SH2B3: variants seen among roughly 807,000 people sequenced by gnomAD.
SH2B3 encodes the protein SH2B adapter protein 3.
Under a neutral mutation model 51.9 loss-of-function variants are expected in SH2B3, and 43 were observed. The ratio of observed to expected loss-of-function variants is 0.83; its 90% CI spans 0.65 to 1.07. SH2B3 has a LOEUF of 1.07. SH2B3 is among the 50% of genes least tolerant of loss of function. SH2B3 has a pLI of 0.00. For synonymous variants in SH2B3, 396 were observed against 376.0 expected (o/e 1.05, Z -0.62); for missense variants, 952 against 834.3 (o/e 1.14, Z -1.74).
Position 111,418,233 on chromosome 12 carries a change from T to C in SH2B3, c.88T>C (p.Cys30Arg). ...AAAPRGWSEF[C>R]ELHAVAAARE... ...GGCCCCGCGGGGCTGGAGCGAGTTC[T>C]GTGAGTTGCACGCCGTAGCGGCGGC... Residue 30 changes from cysteine to arginine, a missense_variant, in exon 2 of 8, where the codon TGT becomes CGT. By Grantham distance (180) the Cys-to-Arg change is radical. Coordinates refer to ENST00000341259, the MANE Select transcript of SH2B3 (RefSeq NM_005475.3). This position sits in a 1 kb window ranked among gnomAD's most constrained non-coding sequence, Gnocchi z 6.7. 6.3e-7 allele frequency: 1 copy of C among 1,578,412 alleles called. No homozygotes were observed. Among genetic ancestry groups the C allele is most frequent in the Admixed American group, 1.7e-5 (1 of 57,868 alleles).
rs1416933872 is a variant in SH2B3 at position 111,420,538 on chromosome 12, G to GA, written c.732+1662dup. Among the ~76,000 whole-genome samples the GA allele has an allele frequency of 2.6e-5, 4 of 152,194 alleles. No homozygotes were observed. The East Asian group carries it at 7.7e-4, about 29-fold the overall frequency. On this transcript the variant is annotated intron_variant, in intron 2 of 7. Transcript: ENST00000341259. ...TTTCATCTAATTGCTCTCTCTTTGG[G>GA]ATCCTGTTACGTGGTAGGGCCTTAC...
intron 2 of SH2B3, chr12:111,444,640 C>A: frequency 3.2e-6 from 2 of 633,504 alleles, no homozygotes; most frequent in Non-Finnish European, 4.0e-6. Context: ...AAAGCCCCCA[C>A]AGCTGCTGAC....
intron 2 of SH2B3, among the ~76,000 whole-genome samples, chr12:111,433,079 C>T (rs192666038): frequency 4.6e-5 from 7 of 152,126 alleles, no homozygotes; most frequent in African/African-American, 1.2e-4. Context: ...GGGCTGGGCA[C>T]GGTGGCTAAC....
intron 2 of SH2B3, among the ~76,000 whole-genome samples, chr12:111,446,372 C>G (rs1312747753): frequency 2.6e-5 from 4 of 152,238 alleles, no homozygotes; most frequent in Non-Finnish European, 5.9e-5. Context: ...CCATGCTAGG[C>G]TCTGCCCCTT....
Position 111,447,987 on chromosome 12 carries a change from C to T in SH2B3, c.1413C>T (p.Ser471=), listed in dbSNP as rs1439116114. 1.9e-6 allele frequency: 3 copies of T among 1,606,144 alleles called. No homozygotes were observed. The highest frequency in any genetic ancestry group is 2.6e-6 in the Non-Finnish European group (3 of 1,175,124). Residue 471 remains serine, a synonymous_variant, in exon 8 of 8, where the codon TCC becomes TCT. Coordinates refer to ENST00000341259, the MANE Select transcript of SH2B3 (RefSeq NM_005475.3). The stretch of plus-strand genomic sequence containing the variant: ...TCTCTTGGTCACTTGTCCTAGGTTC[C>T]TGCAACACGGTCCTCTTCCCTTTCT... ...YVVVVSQPPG[S]CNTVLFPFSL...
intron 1 of SH2B3, among the ~76,000 whole-genome samples, chr12:111,408,278 C>G (rs1347471780): frequency 6.6e-6 from 1 of 152,096 alleles, no homozygotes; most frequent in Non-Finnish European, 1.5e-5. Flanking sequence ...TCATGGGAAC[C>G]ATGAATGAGT....
At chr12:111,442,424 G>GTGGCTGGTGC (rs200717092) in intron 2 of SH2B3, among the ~76,000 whole-genome samples, 1,551 of 152,332 alleles carry the variant, frequency 0.01, 6 homozygotes, top group Non-Finnish European at 0.013. Flanking sequence ...TGGCAGAGGC[G>GTGGCTGGTGC]TGGCTGGTGC....
In SH2B3 at chr12:111,442,163, G is replaced by A. The variant is rs546904327; in HGVS notation, c.733-4590G>A. Among the ~76,000 whole-genome samples, 4 of 152,262 alleles carry A rather than the reference G, an allele frequency of 2.6e-5. No individual in the cohort carries two copies. In the East Asian group the frequency reaches 7.7e-4, roughly 29 times the overall value. ...GCATCCACTTCAGGTTCTGGGCTGG[G>A]GTGAGGGATCAGCCATCCAGGACAG... On this transcript the variant is annotated intron_variant, in intron 2 of 7. Transcript: ENST00000341259.
At chr12:111,425,195 C>A (rs1205606583) in intron 2 of SH2B3, among the ~76,000 whole-genome samples, 2 of 152,070 alleles carry the variant, frequency 1.3e-5, no homozygotes, top group African/African-American at 4.8e-5. Flanking sequence ...GAGGGCTGCG[C>A]TGGGAGAGAG....
In SH2B3 at chr12:111,449,141, A is replaced by G. The variant is rs1416911967; in HGVS notation, c.*839A>G. 6.5e-6 allele frequency: 1 copy of G among 152,704 alleles called. No individual in the cohort carries two copies. Among genetic ancestry groups the G allele is most frequent in the African/African-American group, 2.4e-5 (1 of 41,478 alleles). The allele number at this position is 152,704 out of a possible 1,614,324, so 9.5% of individuals were successfully genotyped here. A position where few individuals can be genotyped will look rare whatever the true frequency, so the allele number is the denominator to read the frequency against. On this transcript the variant is annotated 3_prime_UTR_variant, in exon 8 of 8. Transcript: ENST00000341259. ...GGGAAATTCAGGCAATTACTGAAAT[A>G]GGAGGGTGGCAAGAACAGTTCTATC...
intron 2 of SH2B3, among the ~76,000 whole-genome samples, chr12:111,436,704 T>C (rs1301251126): frequency 6.6e-6 from 1 of 151,988 alleles, no homozygotes; most frequent in East Asian, 1.9e-4. Context: ...TGAAAGGGGC[T>C]CTGTGTCCTT....
Position 111,446,974 on chromosome 12 carries a change from G to A in SH2B3, c.867G>A (p.Val289=). 6.2e-7 allele frequency: 1 copy of A among 1,614,112 alleles called. No individual in the cohort carries two copies. The highest frequency in any genetic ancestry group is 8.5e-7 in the Non-Finnish European group (1 of 1,179,986). The change falls in exon 4 of 8, where the codon GTG becomes GTA. Residue 289 remains valine (V), a synonymous_variant. Coordinates refer to ENST00000341259, the MANE Select transcript of SH2B3 (RefSeq NM_005475.3). ...VKDRTDIIFE[V]GDEQQLNSWM... ...ACCGGACAGACATCATCTTTGAGGT[G>A]GGAGACGAGCAGCAGCTGAATTCAT...
At chr12:111,440,919 C>T (rs933642629) in intron 2 of SH2B3, among the ~76,000 whole-genome samples, 13 of 152,206 alleles carry the variant, frequency 8.5e-5, no homozygotes, top group African/African-American at 3.1e-4. Flanking sequence ...CCCTGAGATC[C>T]TTCCATACCC....
At chr12:111,444,853 C>T (rs1389196348) in intron 2 of SH2B3, 1 of 985,678 alleles carries the variant, frequency 1.0e-6, no homozygotes, top group Non-Finnish European at 1.2e-6. Flanking sequence ...ACACCCATAC[C>T]ACCAGGTAGC....
At chr12:111,436,442 G>A (rs181941754) in intron 2 of SH2B3, among the ~76,000 whole-genome samples, 19 of 152,240 alleles carry the variant, frequency 1.2e-4, no homozygotes, top group Admixed American at 3.3e-4. Flanking sequence ...CAGGCCTTGC[G>A]CATAGCCCCA....
intron 2 of SH2B3, among the ~76,000 whole-genome samples, chr12:111,421,903 G>A (rs1871592642): frequency 6.6e-6 from 1 of 152,190 alleles, no homozygotes; most frequent in African/African-American, 2.4e-5. Flanking sequence ...TCTCTCAGGT[G>A]GATTCCTAGA....
chr12:111,418,470 G>A lies in SH2B3; in HGVS notation c.325G>A (p.Gly109Ser). 4 of 1,360,968 alleles carry A rather than the reference G, an allele frequency of 2.9e-6. No homozygotes were observed. The highest frequency in any genetic ancestry group is 3.8e-6 in the Non-Finnish European group (4 of 1,063,350). The allele number at this position is 1,360,968 out of a possible 1,614,324, so 84.3% of individuals were successfully genotyped here. A position where few individuals can be genotyped will look rare whatever the true frequency, so the allele number is the denominator to read the frequency against. The change falls in exon 2 of 8, where the codon GGC (glycine) becomes AGC (serine). Residue 109 changes from glycine to serine, a missense_variant. Coordinates refer to ENST00000341259, the MANE Select transcript of SH2B3 (RefSeq NM_005475.3). The surrounding 1 kb of genome is among the most constrained non-coding windows in gnomAD (Gnocchi z 6.7). ...CGAGGCGTCCCCGGAGCCAGGCCCC[G>A]GCCCCGCCGCCCCTGGCCTGCCCAA... ...KAEASPEPGP[G>S]PAAPGLPKAR... is the part of the protein sequence containing the mutation.
chr12:111,418,788 G>A lies in SH2B3; in HGVS notation c.643G>A (p.Ala215Thr), dbSNP rs1268789091. The A allele has an allele frequency of 1.4e-6, 2 of 1,460,766 alleles. No homozygotes were observed. The highest frequency in any genetic ancestry group is 1.3e-5 in the South Asian group (1 of 75,538). 90.5% of individuals were successfully genotyped at this position (1,460,766 alleles called of 1,614,324 possible). A position where few individuals can be genotyped will look rare whatever the true frequency, so the allele number is the denominator to read the frequency against. The change falls in exon 2 of 8, where the codon GCA (alanine) becomes ACA (threonine). Residue 215 changes from alanine (A) to threonine (T), a missense_variant. Ala to Thr is a moderately conservative substitution (Grantham distance 58). Coordinates refer to ENST00000341259, the MANE Select transcript of SH2B3 (RefSeq NM_005475.3). This position sits in a 1 kb window ranked among gnomAD's most constrained non-coding sequence, Gnocchi z 6.7. ...LADEASMDSG[A>T]RWQRGRLALR... ...CGACGAGGCCTCCATGGACAGCGGGGCACGCTGGCAGCGCGGGAGGCTGGC... is the reference window on the plus strand; with the variant it reads ...CGACGAGGCCTCCATGGACAGCGGGACACGCTGGCAGCGCGGGAGGCTGGC...
chr12:111,424,560 C>T (rs922973526), intron 2 of SH2B3, among the ~76,000 whole-genome samples: 11 of 152,254 alleles, frequency 7.2e-5, no homozygotes, highest in Admixed American at 2.6e-4. Flanking sequence ...AGGGAGGTCC[C>T]AGAGGGCTTT....
Sources: allele counts gnomAD v4.1 joint callset (sites outside exome capture counted in the v4.1 genomes callset), GRCh38; gene constraint gnomAD v4.1.1; non-coding constraint Gnocchi (gnomAD v3.1); transcripts MANE v1.5; gene names NCBI Gene and HGNC (gene_info 2026-07-23, HGNC 2026-07-21).